CSPP1: variants seen among roughly 807,000 people sequenced by gnomAD.
The protein encoded by CSPP1 is centrosome and spindle pole-associated protein 1.
Under a neutral mutation model 164.4 loss-of-function variants are expected in CSPP1, and 126 were observed. The observed-to-expected ratio is 0.77, with a 90% CI of 0.66 to 0.89. The LOEUF is 0.89. CSPP1 is among the 40% of genes least tolerant of loss of function. The pLI is 0.00. For missense variants in CSPP1, 1,395 were observed against 1,449.8 expected, an observed-to-expected ratio of 0.96 and a Z score of 0.61; for synonymous variants, 472 against 476.7, an observed-to-expected ratio of 0.99 and a Z score of 0.13.
chr8:67,137,359 C>T (rs193277959), intron 16 of CSPP1, 97 bp from the exon 17 acceptor site: 39 of 955,820 alleles, frequency 4.1e-5, no homozygotes, highest in Middle Eastern at 3.4e-4. Flanking sequence ...AATTTTTTTG[C>T]TTGTTTTCTA....
At chr8:67,086,617 G>T (rs2129543655) in intron 4 of CSPP1, among the ~76,000 whole-genome samples, 1 of 152,150 alleles carries the variant, frequency 6.6e-6, no homozygotes, top group Non-Finnish European at 1.5e-5. Flanking sequence ...AATGGCCAAA[G>T]TAAGGTTTAT....
At chr8:67,072,981 G>C (rs1187429097) in intron 1 of CSPP1, among the ~76,000 whole-genome samples, 1 of 150,900 alleles carries the variant, frequency 6.6e-6, no homozygotes, top group Non-Finnish European at 1.5e-5. Context: ...TAGATGAAAA[G>C]ATGCTCAACA....
intron 3 of CSPP1, among the ~76,000 whole-genome samples, chr8:67,077,270 TG>T (rs1808136485): frequency 6.6e-6 from 1 of 151,714 alleles, no homozygotes; most frequent in Non-Finnish European, 1.5e-5. Flanking sequence ...CCTCCTGCCT[TG>T]GCCTCCCAAA....
chr8:67,177,356 C>T (rs1331011675), intron 26 of CSPP1, among the ~76,000 whole-genome samples: 1 of 152,138 alleles, frequency 6.6e-6, no homozygotes, highest in African/African-American at 2.4e-5. Flanking sequence ...TAACTCCATG[C>T]AACAACTTTC....
At chr8:67,181,646 A>G (rs114300173) in intron 28 of CSPP1, among the ~76,000 whole-genome samples, 70 of 152,328 alleles carry the variant, frequency 4.6e-4, no homozygotes, top group African/African-American at 1.7e-3. Context: ...TCAGTGCATT[A>G]TTTTAAAAAA....
At chr8:67,151,226 C>T (rs923746706) in intron 18 of CSPP1, among the ~76,000 whole-genome samples, 6 of 152,116 alleles carry the variant, frequency 3.9e-5, no homozygotes, top group South Asian at 2.1e-4. Flanking sequence ...TATATTTTAT[C>T]GGATCCAGTT....
intron 9 of CSPP1, among the ~76,000 whole-genome samples, chr8:67,109,662 A>G (rs1307105352): frequency 1.3e-5 from 2 of 152,144 alleles, no homozygotes; most frequent in African/African-American, 2.4e-5. Context: ...GCAATCTCAC[A>G]CATGCTCCTT....
chr8:67,179,918 CTTT>C lies in CSPP1; in HGVS notation c.3214_3216del (p.Phe1072del). On this transcript the variant is annotated inframe_deletion, in exon 28 of 31. Coordinates refer to ENST00000678616, the MANE Select transcript of CSPP1 (RefSeq NM_001382391.1). ...AACTCATTATTGGAATCTGATAGTG[CTTT>C]TATTGGTGAGTATATTTATTTTATT... 1 of 1,548,912 alleles carries C rather than the reference CTTT, an allele frequency of 6.5e-7. No homozygotes were observed. Among genetic ancestry groups the C allele is most frequent in the Non-Finnish European group, 8.9e-7 (1 of 1,122,052 alleles).
intron 30 of CSPP1, 54 bp downstream of exon 30, chr8:67,193,656 T>G: frequency 6.6e-7 from 1 of 1,508,586 alleles, no homozygotes; most frequent in East Asian, 2.3e-5. Context: ...ACTTTTAAAC[T>G]TTCTTACTCA....
In CSPP1 at chr8:67,130,102, T is replaced by A. The variant is rs184406142; in HGVS notation, c.1698-1849T>A. 8.2e-3 allele frequency among the ~76,000 whole-genome samples: 1,246 copies of A among 152,312 alleles called. 11 individuals are homozygous for A. The highest frequency in any genetic ancestry group is 0.029 in the African/African-American group (1,191 of 41,570). On this transcript the variant is annotated intron_variant, in intron 15 of 30. Coordinates refer to ENST00000678616, the MANE Select transcript of CSPP1 (RefSeq NM_001382391.1). ...ATGTATGTGGAGGGCCTACTTTTCTTATGTGGGAGTTCCATGGGGCTCACT... is the reference window on the plus strand; with the variant it reads ...ATGTATGTGGAGGGCCTACTTTTCTAATGTGGGAGTTCCATGGGGCTCACT...
chr8:67,174,787 T>C (rs962574936), intron 25 of CSPP1: 1 of 152,160 alleles, frequency 6.6e-6, no homozygotes, highest in African/African-American at 2.4e-5. Context: ...AAAAAAGAAA[T>C]GGCATTCCCC....
intron 3 of CSPP1, among the ~76,000 whole-genome samples, chr8:67,082,910 C>G (rs1322387983): frequency 1.3e-5 from 2 of 152,118 alleles, no homozygotes; most frequent in African/African-American, 2.4e-5. Flanking sequence ...ACAACAGGCA[C>G]AATAAGTAAG....
chr8:67,067,741 G>T (rs1805883339), intron 1 of CSPP1, among the ~76,000 whole-genome samples: 1 of 151,860 alleles, frequency 6.6e-6, no homozygotes. Context: ...GGGATTACAG[G>T]TGTGAGCCAC....
At chr8:67,078,250 A>G (rs1233567641) in intron 3 of CSPP1, among the ~76,000 whole-genome samples, 1 of 152,158 alleles carries the variant, frequency 6.6e-6, no homozygotes, top group Non-Finnish European at 1.5e-5. Flanking sequence ...TATGACATCT[A>G]TCTCAAAAAG....
intron 3 of CSPP1, among the ~76,000 whole-genome samples, chr8:67,081,826 C>G (rs1409019721): frequency 2.0e-5 from 3 of 152,172 alleles, no homozygotes; most frequent in Non-Finnish European, 4.4e-5. Context: ...CTTACTGCAG[C>G]TTAAAACTCC....
At chr8:67,143,436 TTATTAC>T (rs1213688873) in intron 17 of CSPP1, among the ~76,000 whole-genome samples, 10 of 152,066 alleles carry the variant, frequency 6.6e-5, no homozygotes, top group Non-Finnish European at 1.0e-4. Flanking sequence ...TAGTAAGTAA[TTATTAC>T]TATTACTATT....
At chr8:67,168,249 A>C (rs1344974350) in intron 24 of CSPP1, among the ~76,000 whole-genome samples, 1 of 146,724 alleles carries the variant, frequency 6.8e-6, no homozygotes, top group African/African-American at 2.5e-5. Context: ...TGGCAGCAGT[A>C]CAGTCCAGCT....
chr8:67,167,154 C>A (rs1829479124), intron 24 of CSPP1, among the ~76,000 whole-genome samples: 1 of 152,258 alleles, frequency 6.6e-6, no homozygotes. Context: ...AATCTGATTT[C>A]TGTATCTTTT....
chr8:67,077,208 C>T (rs1808122893), intron 3 of CSPP1, among the ~76,000 whole-genome samples: 1 of 152,110 alleles, frequency 6.6e-6, no homozygotes, highest in African/African-American at 2.4e-5. Flanking sequence ...GGCTGGAGTG[C>T]AGTGGCATGA....
Sources: gnomAD v4.1 joint callset for allele counts (sites outside exome capture counted in the v4.1 genomes callset) on GRCh38, gnomAD v4.1.1 for gene constraint, MANE v1.5 for transcripts, NCBI Gene and HGNC (gene_info 2026-07-23, HGNC 2026-07-21) for gene names.